The following GSE1 variants were observed in gnomAD, a reference collection of about 807,000 sequenced individuals.
The protein encoded by GSE1 is Gse1 coiled-coil protein.
A neutral mutation model predicts 112.6 loss-of-function variants in GSE1; 32 were observed. The observed-to-expected ratio is 0.28, with a 90% CI of 0.21 to 0.38. GSE1 has a LOEUF of 0.38. GSE1 is among the 10% of genes least tolerant of loss of function. The pLI is 1.00. For synonymous variants in GSE1, 1,115 were observed against 735.6 expected (o/e 1.52, Z -8.35); for missense variants, 2,348 against 1,699.2 (o/e 1.38, Z -6.71).
chr16:85,172,084 G>C (rs998219609), intron 1 of GSE1, among the ~76,000 whole-genome samples: 15 of 152,172 alleles, frequency 9.9e-5, no homozygotes, highest in Non-Finnish European at 2.1e-4. Flanking sequence ...CAGCAGGCAC[G>C]GGCCTGAACT....
At chr16:85,553,652 C>T (rs960017149), upstream of GSE1, among the ~76,000 whole-genome samples, 40 of 152,094 alleles carry the variant, frequency 2.6e-4, no homozygotes, top group African/African-American at 9.4e-4. Context: ...GAGCTGCTGG[C>T]GGCGGCGGGG....
At chr16:85,355,245 G>A (rs546427468) in intron 1 of GSE1, among the ~76,000 whole-genome samples, 8 of 152,030 alleles carry the variant, frequency 5.3e-5, no homozygotes, top group African/African-American at 9.7e-5. Context: ...ACAAAAAACC[G>A]GATCAACAGA....
chr16:85,452,105 G>A (rs546654774), intron 2 of GSE1, among the ~76,000 whole-genome samples: 10 of 152,266 alleles, frequency 6.6e-5, no homozygotes, highest in Admixed American at 2.0e-4. Flanking sequence ...AGAGAGACCC[G>A]TGTCCGGCGC....
chr16:85,493,400 C>G (rs2051070490), intron 2 of GSE1, among the ~76,000 whole-genome samples: 1 of 151,980 alleles, frequency 6.6e-6, no homozygotes, highest in South Asian at 2.1e-4. Flanking sequence ...AAACTATGAT[C>G]ACACTGCTGT....
rs1254382994 is a variant in GSE1 at position 85,667,904 on chromosome 16, C to CAGTCT, written c.3131-235_3131-234insGTCTA. On this transcript the variant is annotated intron_variant, in intron 13 of 15. Coordinates refer to ENST00000253458, the MANE Select transcript of GSE1 (RefSeq NM_014615.5). ...GAGATGAATTCCAACAAAAATGGTC[C>CAGTCT]ACGTACCAGAATCAACTAGCACTCA... Among the ~76,000 whole-genome samples the CAGTCT allele has an allele frequency of 3.3e-5, 5 of 152,066 alleles. No homozygotes were observed. The East Asian group carries it at 9.7e-4, about 30-fold the overall frequency.
At chr16:85,242,339 AAACAGG>A (rs1312350797) in intron 1 of GSE1, among the ~76,000 whole-genome samples, 11 of 152,212 alleles carry the variant, frequency 7.2e-5, no homozygotes, top group African/African-American at 2.4e-4. Context: ...CAGGGCCTGC[AAACAGG>A]TGATGTGTCA....
At chr16:85,169,587 G>T (rs1193016619) in exon 1 of GSE1, 4 of 981,952 alleles carry the variant, frequency 4.1e-6, no homozygotes, top group East Asian at 2.3e-4. Flanking sequence ...TGGGCGAGCG[G>T]GCTGCGGGCG....
Position 85,663,048 on chromosome 16 carries a change from T to A in GSE1, c.2328T>A (p.Arg776=). 1 of 1,613,260 alleles carries A rather than the reference T, an allele frequency of 6.2e-7. No individual in the cohort carries two copies. Among genetic ancestry groups the A allele is most frequent in the African/African-American group, 1.3e-5 (1 of 75,062 alleles). Reference sequence around the variant, plus strand: ...AGGAGGAGGTCAGGGCCCACCTCCGTTGCGTGGCCGAGCAGCCGCCCCTCA... The same window carrying A: ...AGGAGGAGGTCAGGGCCCACCTCCGATGCGTGGCCGAGCAGCCGCCCCTCA... ...SDEEEVRAHL[R]CVAEQPPLKL... The change falls in exon 10 of 16, where the codon CGT becomes CGA. Residue 776 remains arginine, a synonymous_variant. Coordinates refer to ENST00000253458, the MANE Select transcript of GSE1 (RefSeq NM_014615.5).
intron 2 of GSE1, among the ~76,000 whole-genome samples, chr16:85,510,299 G>A (rs144749398): frequency 1.3e-5 from 2 of 152,230 alleles, no homozygotes; most frequent in Non-Finnish European, 2.9e-5. Flanking sequence ...GGCCCAGCAC[G>A]AAAGACTCCT....
At chr16:85,234,303 T>C (rs754007128) in intron 1 of GSE1, among the ~76,000 whole-genome samples, 2 of 152,124 alleles carry the variant, frequency 1.3e-5, no homozygotes, top group African/African-American at 2.4e-5. Flanking sequence ...TCTCCTCTCT[T>C]ACTAGCTTTG....
At chr16:85,375,797 C>G (rs1253607646) in intron 2 of GSE1, among the ~76,000 whole-genome samples, 1 of 152,238 alleles carries the variant, frequency 6.6e-6, no homozygotes, top group African/African-American at 2.4e-5. Flanking sequence ...GTACCCTGGC[C>G]CCTGTGACTC....
intron 1 of GSE1, among the ~76,000 whole-genome samples, chr16:85,293,286 C>A (rs1477977713): frequency 6.6e-6 from 1 of 152,150 alleles, no homozygotes; most frequent in Non-Finnish European, 1.5e-5. Context: ...TGGCTCACAC[C>A]TATAATCCCA....
intron 1 of GSE1, among the ~76,000 whole-genome samples, chr16:85,339,626 G>C (rs1364344950): frequency 2.0e-5 from 3 of 150,248 alleles, no homozygotes; most frequent in Non-Finnish European, 4.4e-5. Flanking sequence ...AGGGGGAGGG[G>C]GGCAGAGAGA....
At chr16:85,191,653 G>A (rs898600662) in intron 1 of GSE1, among the ~76,000 whole-genome samples, 4 of 152,098 alleles carry the variant, frequency 2.6e-5, no homozygotes, top group African/African-American at 9.7e-5. Context: ...CTCACTTCAC[G>A]CCCCGGCATG....
intron 2 of GSE1, among the ~76,000 whole-genome samples, chr16:85,511,264 C>G (rs536047248): frequency 6.6e-6 from 1 of 152,338 alleles, no homozygotes; most frequent in African/African-American, 2.4e-5. Context: ...CAGTGGCTCA[C>G]GCCTGTAATC....
chr16:85,212,396 A>C (rs1350298821), intron 1 of GSE1, among the ~76,000 whole-genome samples: 1 of 151,834 alleles, frequency 6.6e-6, no homozygotes, highest in African/African-American at 2.4e-5. Flanking sequence ...ACAGAGCAAG[A>C]CTAGGTCTCA....
intron 1 of GSE1, among the ~76,000 whole-genome samples, chr16:85,172,088 C>T (rs1315429512): frequency 6.6e-6 from 1 of 152,164 alleles, no homozygotes; most frequent in Non-Finnish European, 1.5e-5. Flanking sequence ...AGGCACGGGC[C>T]TGAACTTGGG....
At chr16:85,521,336 G>A (rs544382020) in intron 2 of GSE1, among the ~76,000 whole-genome samples, 2 of 152,322 alleles carry the variant, frequency 1.3e-5, no homozygotes, top group South Asian at 4.1e-4. Flanking sequence ...AGGAGGAACT[G>A]GAGCTCAGAG....
chr16:85,348,203 T>G (rs2046781683), intron 1 of GSE1, among the ~76,000 whole-genome samples: 1 of 151,898 alleles, frequency 6.6e-6, no homozygotes, highest in East Asian at 1.9e-4. Flanking sequence ...CTGTCCATCA[T>G]CTGTCCACCC....
Sources: gnomAD v4.1 joint callset for allele counts (sites outside exome capture counted in the v4.1 genomes callset) on GRCh38, gnomAD v4.1.1 for gene constraint, MANE v1.5 for transcripts, NCBI Gene and HGNC (gene_info 2026-07-23, HGNC 2026-07-21) for gene names.